Variants in GNAI3 observed in about 807,000 individuals in gnomAD.
GNAI3 encodes G protein subunit alpha i3.
In GNAI3, 12 loss-of-function variants were observed where a neutral mutation model predicts 41.8. The observed-to-expected ratio is 0.29, with a 90% CI of 0.18 to 0.47. The LOEUF (loss-of-function observed/expected upper bound fraction) is 0.47, where lower values mean the gene tolerates loss of function less well. GNAI3 is among the 20% of genes least tolerant of loss of function. The probability of loss-of-function intolerance (pLI) is 1.00; values close to 1 mark genes in which losing one functional copy is unlikely to be tolerated. For synonymous variants in GNAI3, 132 were observed against 146.5 expected, an observed-to-expected ratio of 0.90 and a Z score of 0.71; for missense variants, 360 against 429.6, an observed-to-expected ratio of 0.84 and a Z score of 1.43.
intron 1 of GNAI3, among the ~76,000 whole-genome samples, chr1:109,569,372 G>C (rs1648534992): frequency 6.6e-6 from 1 of 152,034 alleles, no homozygotes; most frequent in Admixed American, 6.6e-5. Flanking sequence ...TACTTCCCTG[G>C]TGTATTGAAG....
intron 1 of GNAI3, among the ~76,000 whole-genome samples, chr1:109,549,087 A>G (rs1647910100): frequency 6.6e-6 from 1 of 152,060 alleles, no homozygotes; most frequent in Non-Finnish European, 1.5e-5. Context: ...TTTAGCAGAG[A>G]GACTTGGGAG....
chr1:109,558,610 C>T (rs1380957136), intron 1 of GNAI3, among the ~76,000 whole-genome samples: 2 of 152,028 alleles, frequency 1.3e-5, no homozygotes, highest in African/African-American at 4.8e-5. Flanking sequence ...TTCATCATCA[C>T]CCTGGCTTTT....
At chr1:109,582,340 C>CTAGTAAGTATTTTAAA in intron 4 of GNAI3, 97 bp from the exon 5 acceptor site, 1 of 843,010 alleles carries the variant, frequency 1.2e-6, no homozygotes, top group Non-Finnish European at 1.9e-6. Flanking sequence ...CACTTAATAA[C>CTAGTAAGTATTTTAAA]TAGTAACAGG....
intron 5 of GNAI3, among the ~76,000 whole-genome samples, chr1:109,583,747 A>AT (rs35202006): frequency 0.2 from 27,574 of 137,256 alleles, 2,964 homozygotes; most frequent in East Asian, 0.34. Flanking sequence ...CGCCCGGCTA[A>AT]TTTTTTTTTT....
intron 1 of GNAI3, among the ~76,000 whole-genome samples, chr1:109,563,080 A>G (rs1290249459): frequency 6.6e-6 from 1 of 152,168 alleles, no homozygotes. Flanking sequence ...AAATAAGGAG[A>G]AGGAAACTTA....
rs72703292 is a variant in GNAI3, at chr1:109,553,120, G to A, written c.118+4282G>A. Among the ~76,000 whole-genome samples, 1,398 of 151,978 alleles carry A rather than the reference G, an allele frequency of 9.2e-3. 8 individuals are homozygous for A. The highest frequency in any genetic ancestry group is 0.014 in the Admixed American group (206 of 15,254). The stretch of plus-strand genomic sequence containing the variant: ...TACCATTTTAGCTACTTTTTTCAGA[G>A]GTTTTTCAGACAGCTGTTTTATTAT... On this transcript the variant is annotated intron_variant, in intron 1 of 8. Transcript: ENST00000369851.
rs1419047370 is a variant in GNAI3 at position 109,594,980 on chromosome 1, G to A, written c.*2658G>A. 2 of 152,170 alleles carry A rather than the reference G, an allele frequency of 1.3e-5. No individual in the cohort carries two copies. Among genetic ancestry groups the A allele is most frequent in the East Asian group, 3.8e-4 (2 of 5,198 alleles). 9.4% of individuals were successfully genotyped at this position (152,170 alleles called of 1,614,324 possible). A position where few individuals can be genotyped will look rare whatever the true frequency, so the allele number is the denominator to read the frequency against. On this transcript the variant is annotated 3_prime_UTR_variant, in exon 9 of 9. Coordinates refer to ENST00000369851, the MANE Select transcript of GNAI3 (RefSeq NM_006496.4). The stretch of plus-strand genomic sequence containing the variant: ...AAAGGTGATTCTGATTACCAGCCAG[G>A]CTTGCAAATCACTGGTTTGTATTGA...
At chr1:109,578,847 G>C (rs926933215) in intron 3 of GNAI3, among the ~76,000 whole-genome samples, 4 of 152,014 alleles carry the variant, frequency 2.6e-5, no homozygotes, top group African/African-American at 9.7e-5. Context: ...TAATAGAACG[G>C]GAATGTTTTA....
rs1649394830 is a variant in GNAI3 at position 109,599,610 on chromosome 1, T to C, written c.*7288T>C. ...ACTGTTAGTAATGTCTCTTTAATCA[T>C]GCTATGCTAGGGAAGTACATTATGG... On this transcript the variant is annotated 3_prime_UTR_variant, in exon 9 of 9. Coordinates refer to ENST00000369851, the MANE Select transcript of GNAI3 (RefSeq NM_006496.4). 1 of 152,186 alleles carries C rather than the reference T, an allele frequency of 6.6e-6. No homozygotes were observed. The highest frequency in any genetic ancestry group is 2.4e-5 in the African/African-American group (1 of 41,452). The allele number at this position is 152,186 out of a possible 1,614,324, so 9.4% of individuals were successfully genotyped here.
At chr1:109,590,323 T>G (rs1403320087) in intron 7 of GNAI3, among the ~76,000 whole-genome samples, 2 of 152,218 alleles carry the variant, frequency 1.3e-5, no homozygotes, top group Non-Finnish European at 2.9e-5. Flanking sequence ...AAAGAGCCTT[T>G]AATATCATTT....
intron 1 of GNAI3, among the ~76,000 whole-genome samples, chr1:109,555,295 A>G (rs1484605741): frequency 2.0e-5 from 3 of 152,246 alleles, no homozygotes; most frequent in African/African-American, 4.8e-5. Flanking sequence ...CTGTAAGGCC[A>G]TAATCACCAA....
At position 109,565,682 on chromosome 1, in the gene GNAI3, G is replaced by A. The variant is rs1224042869; in HGVS notation, c.119-8055G>A. Among the ~76,000 whole-genome samples, 5 of 152,288 alleles carry A rather than the reference G, an allele frequency of 3.3e-5. No individual in the cohort carries two copies. The South Asian group carries it at 8.3e-4, about 25-fold the overall frequency. On this transcript the variant is annotated intron_variant, in intron 1 of 8. Coordinates refer to ENST00000369851, the MANE Select transcript of GNAI3 (RefSeq NM_006496.4). ...TCCTAGATTTTGCTCTAGATTGGCGGGGGGTGCACAAAAAGAAATAGCAAT... is the reference window on the plus strand; with the variant it reads ...TCCTAGATTTTGCTCTAGATTGGCGAGGGGTGCACAAAAAGAAATAGCAAT...
intron 1 of GNAI3, among the ~76,000 whole-genome samples, chr1:109,562,388 G>T (rs976971028): frequency 6.6e-6 from 1 of 151,844 alleles, no homozygotes; most frequent in East Asian, 1.9e-4. Context: ...TGGTATCCTA[G>T]GGGGGGTCCT....
At chr1:109,588,870 TG>T (rs1221724078) in intron 7 of GNAI3, among the ~76,000 whole-genome samples, 3 of 151,786 alleles carry the variant, frequency 2.0e-5, no homozygotes, top group Non-Finnish European at 4.4e-5. Flanking sequence ...TCCAGCCTGG[TG>T]ACAGAGTGAG....
rs562772697 is a variant in GNAI3 at position 109,595,442 on chromosome 1, C to T, written c.*3120C>T. The T allele has an allele frequency of 6.6e-6, 1 of 152,256 alleles. No homozygotes were observed. Among genetic ancestry groups the T allele is most frequent in the Non-Finnish European group, 1.5e-5 (1 of 68,026 alleles). 9.4% of individuals were successfully genotyped at this position (152,256 alleles called of 1,614,324 possible). A position where few individuals can be genotyped will look rare whatever the true frequency, so the allele number is the denominator to read the frequency against. On this transcript the variant is annotated 3_prime_UTR_variant, in exon 9 of 9. Coordinates refer to ENST00000369851, the MANE Select transcript of GNAI3 (RefSeq NM_006496.4). ...GATCGTTATTTTTCACAAGGTACTACATTCTTACAATGTAAGACTAGATGG... is the reference window on the plus strand; with the variant it reads ...GATCGTTATTTTTCACAAGGTACTATATTCTTACAATGTAAGACTAGATGG...
In GNAI3 at chr1:109,562,884, C is replaced by G. The variant is rs962876224; in HGVS notation, c.119-10853C>G. Among the ~76,000 whole-genome samples, 14 of 152,182 alleles carry G rather than the reference C, an allele frequency of 9.2e-5. No homozygotes were observed. The East Asian group carries it at 2.1e-3, about 23-fold the overall frequency. On this transcript the variant is annotated intron_variant, in intron 1 of 8. Coordinates refer to ENST00000369851, the MANE Select transcript of GNAI3 (RefSeq NM_006496.4). Reference sequence around the variant, plus strand: ...CATTGCAATTAACTTTGGAGGACATCTGCAGTATAATGAATCATTATTTTT... The same window carrying G: ...CATTGCAATTAACTTTGGAGGACATGTGCAGTATAATGAATCATTATTTTT...
intron 1 of GNAI3, 93 bp downstream of exon 1, chr1:109,548,931 C>T (rs1385773914): frequency 3.7e-6 from 3 of 818,084 alleles, no homozygotes; most frequent in African/African-American, 1.7e-5. Flanking sequence ...ACGGAAAGGA[C>T]CCTAAAGGGA....
chr1:109,590,362 A>G (rs1438912792), intron 7 of GNAI3, among the ~76,000 whole-genome samples: 3 of 152,144 alleles, frequency 2.0e-5, no homozygotes, highest in South Asian at 4.1e-4. Context: ...TTAACTTCCA[A>G]GCCTATCCTC....
At chr1:109,567,481 A>G (rs191436575) in intron 1 of GNAI3, among the ~76,000 whole-genome samples, 114 of 152,332 alleles carry the variant, frequency 7.5e-4, no homozygotes, top group Middle Eastern at 3.4e-3. Flanking sequence ...CTGAAAATAC[A>G]TTTAAGGAAG....
Sources: gnomAD v4.1 joint callset for allele counts (sites outside exome capture counted in the v4.1 genomes callset) on GRCh38, gnomAD v4.1.1 for gene constraint, MANE v1.5 for transcripts, NCBI Gene and HGNC (gene_info 2026-07-23, HGNC 2026-07-21) for gene names.